Variants in NRG1 observed in about 807,000 individuals in gnomAD.
NRG1 encodes neuregulin 1, also known as pro-neuregulin-1, membrane-bound isoform.
A neutral mutation model predicts 63.8 loss-of-function variants in NRG1; 18 were observed. The ratio of observed to expected loss-of-function variants is 0.28; its 90% CI spans 0.19 to 0.42. The LOEUF (loss-of-function observed/expected upper bound fraction) is 0.42, where lower values mean the gene tolerates loss of function less well. Ranked by LOEUF, NRG1 falls within the 10% of genes least tolerant of loss-of-function variation. The pLI is 1.00. For synonymous variants in NRG1, 302 were observed against 301.3 expected, an observed-to-expected ratio of 1.00 and a Z score of -0.02; for missense variants, 762 against 814.7, an observed-to-expected ratio of 0.94 and a Z score of 0.79.
intron 1 of NRG1, among the ~76,000 whole-genome samples, chr8:31,798,049 G>C (rs1821404577): frequency 6.6e-6 from 1 of 152,154 alleles, no homozygotes; most frequent in South Asian, 2.1e-4. Context: ...GGGAAGAAAG[G>C]AGAGGGAACG....
intron 1 of NRG1, among the ~76,000 whole-genome samples, chr8:32,077,789 A>G (rs1826820471): frequency 1.3e-5 from 2 of 152,172 alleles, no homozygotes; most frequent in South Asian, 4.1e-4. Context: ...CTGACTACTC[A>G]GGTTTCTCTA....
intron 1 of NRG1, among the ~76,000 whole-genome samples, chr8:32,579,769 A>T (rs1588456252): frequency 3.3e-5 from 5 of 152,358 alleles, no homozygotes; most frequent in Admixed American, 3.3e-4. Flanking sequence ...TTTGAGGCTT[A>T]AAGCAACATG....
chr8:31,856,833 A>T lies in NRG1; in HGVS notation c.37+217402A>T, dbSNP rs185041074. On this transcript the variant is annotated intron_variant, in intron 1 of 10. Transcript: ENST00000519301. ...TGTTTGTTAGTTTTCCTTCTAACAG[A>T]CAGGACCCTCAGCTGCACTTCTGTT... Among the ~76,000 whole-genome samples the T allele has an allele frequency of 3.3e-3, 497 of 152,296 alleles. 3 individuals carry two copies. Among genetic ancestry groups the T allele is most frequent in the African/African-American group, 0.011 (474 of 41,554 alleles).
chr8:31,744,320 G>T (rs1026065636), intron 1 of NRG1, among the ~76,000 whole-genome samples: 2 of 151,996 alleles, frequency 1.3e-5, no homozygotes, highest in Admixed American at 6.6e-5. Context: ...TTCATGATAC[G>T]CTGTGCCAGT....
chr8:31,647,757 C>T lies in NRG1; in HGVS notation c.37+8326C>T, dbSNP rs531277777. Among the ~76,000 whole-genome samples, 4 of 152,320 alleles carry T rather than the reference C, an allele frequency of 2.6e-5. No homozygotes were observed. The South Asian group carries it at 8.3e-4, about 32-fold the overall frequency. On this transcript the variant is annotated intron_variant, in intron 1 of 10. Coordinates refer to the NRG1 transcript ENST00000519301. ...CCGGACACCTCCGGACAATCCTTTC[C>T]TCTGTTGTCTTCATTCCCATCCATA... is the stretch of plus-strand genomic sequence containing the variant.
chr8:32,048,185 A>G (rs79862866), intron 1 of NRG1, among the ~76,000 whole-genome samples: 560 of 151,828 alleles, frequency 3.7e-3, no homozygotes, highest in Non-Finnish European at 7.0e-3. Context: ...TATCTTGACT[A>G]TTGTGAATGG....
intron 2 of NRG1, 80 bp from the exon 3 acceptor site, chr8:32,605,482 G>A: frequency 1.9e-6 from 3 of 1,544,660 alleles, no homozygotes; most frequent in Non-Finnish European, 2.7e-6. Context: ...TGAGAACTCT[G>A]AAAGCATAGA....
intron 1 of NRG1, among the ~76,000 whole-genome samples, chr8:32,519,765 G>C (rs1413456095): frequency 6.6e-6 from 1 of 152,108 alleles, no homozygotes; most frequent in Non-Finnish European, 1.5e-5. Context: ...CGAGAGATTT[G>C]AAATTTGTGA....
intron 1 of NRG1, among the ~76,000 whole-genome samples, chr8:31,869,375 C>T (rs1259583793): frequency 6.6e-6 from 1 of 152,156 alleles, no homozygotes; most frequent in Non-Finnish European, 1.5e-5. Flanking sequence ...CTTGACCATG[C>T]AGCCACACCT....
chr8:31,872,528 A>G (rs1829578292), intron 1 of NRG1, among the ~76,000 whole-genome samples: 1 of 152,222 alleles, frequency 6.6e-6, no homozygotes, highest in Admixed American at 6.5e-5. Context: ...ACTGTGGAAT[A>G]CAAAAAAATG....
At chr8:32,158,392 G>C (rs1181866148) in intron 1 of NRG1, among the ~76,000 whole-genome samples, 1 of 138,304 alleles carries the variant, frequency 7.2e-6, no homozygotes, top group African/African-American at 2.6e-5. Context: ...CTGTCAATGG[G>C]GATTCCTCCC....
At chr8:32,198,196 G>T (rs1843149951) in intron 1 of NRG1, among the ~76,000 whole-genome samples, 1 of 152,098 alleles carries the variant, frequency 6.6e-6, no homozygotes, top group African/African-American at 2.4e-5. Context: ...TTTGTTTTGT[G>T]AGGCAGAATA....
chr8:32,048,278 TATAC>T (rs1219586505), intron 1 of NRG1, among the ~76,000 whole-genome samples: 7 of 150,846 alleles, frequency 4.6e-5, no homozygotes, highest in East Asian at 1.9e-4. Context: ...TATATATATG[TATAC>T]ATACATGTAC....
At chr8:31,813,468 T>C (rs1823083401) in intron 1 of NRG1, among the ~76,000 whole-genome samples, 1 of 150,852 alleles carries the variant, frequency 6.6e-6, no homozygotes, top group South Asian at 2.1e-4. Context: ...GCTGTCACTT[T>C]GATCATTGAC....
At chr8:32,568,279 A>T (rs953906716) in intron 1 of NRG1, among the ~76,000 whole-genome samples, 1 of 152,170 alleles carries the variant, frequency 6.6e-6, no homozygotes, top group African/African-American at 2.4e-5. Context: ...GTGAGCTGTT[A>T]TCACTTTTGT....
intron 1 of NRG1, among the ~76,000 whole-genome samples, chr8:31,959,942 G>A (rs1276924130): frequency 6.6e-6 from 1 of 151,898 alleles, no homozygotes; most frequent in Non-Finnish European, 1.5e-5. Context: ...CACAGGCACG[G>A]ATGCAGAGTT....
chr8:31,828,052 G>A (rs1190733128), intron 1 of NRG1, among the ~76,000 whole-genome samples: 3 of 152,184 alleles, frequency 2.0e-5, no homozygotes, highest in African/African-American at 7.2e-5. Flanking sequence ...AGCCTGCGAA[G>A]GTGCTTCTGC....
intron 1 of NRG1, among the ~76,000 whole-genome samples, chr8:32,107,553 A>G (rs1461835503): frequency 2.6e-5 from 4 of 152,174 alleles, no homozygotes; most frequent in Non-Finnish European, 5.9e-5. Flanking sequence ...AGAGTTAATC[A>G]TTCTTGATTT....
chr8:32,292,373 T>C (rs2129474149), intron 1 of NRG1, among the ~76,000 whole-genome samples: 1 of 152,324 alleles, frequency 6.6e-6, no homozygotes, highest in Middle Eastern at 3.4e-3. Context: ...TGACTTTAAC[T>C]CTGTGGTTGG....
Sources: allele counts gnomAD v4.1 joint callset (sites outside exome capture counted in the v4.1 genomes callset), GRCh38; gene constraint gnomAD v4.1.1; transcripts MANE v1.5; gene names NCBI Gene and HGNC (gene_info 2026-07-23, HGNC 2026-07-21).